Variants in LPP observed in about 807,000 individuals in gnomAD.
LPP encodes the protein LIM domain containing preferred translocation partner in lipoma.
LPP carries 38 observed loss-of-function variants against 60.4 expected under a neutral mutation model. That is an observed-to-expected ratio of 0.63 (90% CI 0.49 to 0.83). LPP has a LOEUF of 0.83. Ranked by LOEUF, LPP falls within the 40% of genes least tolerant of loss-of-function variation. The pLI is 0.00. For missense variants in LPP, 902 were observed against 783.6 expected, an observed-to-expected ratio of 1.15 and a Z score of -1.80; for synonymous variants, 328 against 290.8, an observed-to-expected ratio of 1.13 and a Z score of -1.30.
At chr3:188,222,801 C>T (rs1311410418) in intron 1 of LPP, among the ~76,000 whole-genome samples, 3 of 152,050 alleles carry the variant, frequency 2.0e-5, no homozygotes, top group Non-Finnish European at 2.9e-5. Context: ...TTTTGAGCTC[C>T]TTTAACTGTA....
intron 5 of LPP, among the ~76,000 whole-genome samples, chr3:188,512,270 A>T (rs577003437): frequency 6.6e-6 from 1 of 152,130 alleles, no homozygotes; most frequent in African/African-American, 2.4e-5. Flanking sequence ...TTTGAAGAAA[A>T]TTCTCGGCCA....
intron 9 of LPP, among the ~76,000 whole-genome samples, chr3:188,765,312 ACAC>A (rs1733678122): frequency 1.4e-5 from 2 of 147,240 alleles, no homozygotes; most frequent in Admixed American, 6.7e-5. Context: ...ACACACACAC[ACAC>A]ACACACACAC....
intron 7 of LPP, among the ~76,000 whole-genome samples, chr3:188,626,304 C>T (rs1846821222): frequency 6.6e-6 from 1 of 152,022 alleles, no homozygotes; most frequent in Non-Finnish European, 1.5e-5. Context: ...CTAGCATTTA[C>T]ATTGTATTGG....
chr3:188,551,640 G>A (rs930138117), intron 6 of LPP, among the ~76,000 whole-genome samples: 2 of 152,138 alleles, frequency 1.3e-5, no homozygotes, highest in Admixed American at 1.3e-4. Flanking sequence ...CAGAGTAGGA[G>A]GTCCTTTACA....
chr3:188,340,220 T>G (rs2150640143), intron 2 of LPP, among the ~76,000 whole-genome samples: 1 of 152,320 alleles, frequency 6.6e-6, no homozygotes, highest in African/African-American at 2.4e-5. Flanking sequence ...TTGGTTTTTG[T>G]ATTTGTAAAA....
chr3:188,485,352 A>C (rs1806046332), intron 5 of LPP, among the ~76,000 whole-genome samples: 1 of 152,208 alleles, frequency 6.6e-6, no homozygotes, highest in African/African-American at 2.4e-5. Flanking sequence ...GCCACCATTT[A>C]AGCTGAAGAA....
intron 6 of LPP, among the ~76,000 whole-genome samples, chr3:188,559,747 T>A (rs1830261416): frequency 6.6e-6 from 1 of 152,118 alleles, no homozygotes; most frequent in Non-Finnish European, 1.5e-5. Context: ...GAAATATGTT[T>A]ACTTTTAAAA....
intron 9 of LPP, among the ~76,000 whole-genome samples, chr3:188,777,555 A>G (rs1405915103): frequency 2.0e-5 from 3 of 152,206 alleles, no homozygotes; most frequent in Non-Finnish European, 4.4e-5. Context: ...TTGGATGGAC[A>G]GGGTAGCAAA....
At chr3:188,376,480 G>A (rs1775129297) in intron 3 of LPP, among the ~76,000 whole-genome samples, 1 of 152,068 alleles carries the variant, frequency 6.6e-6, no homozygotes, top group South Asian at 2.1e-4. Flanking sequence ...TGTCTCTTTT[G>A]ATCGTTGTTG....
chr3:188,333,913 T>TA (rs1248035929), intron 2 of LPP, among the ~76,000 whole-genome samples: 1 of 152,184 alleles, frequency 6.6e-6, no homozygotes, highest in Admixed American at 6.5e-5. Context: ...TACTTGAAAA[T>TA]ATACAATAAA....
chr3:188,173,227 G>A (rs202134369), intron 1 of LPP, among the ~76,000 whole-genome samples: 5 of 152,186 alleles, frequency 3.3e-5, no homozygotes, highest in Non-Finnish European at 7.3e-5. Context: ...CAGGTCAGGC[G>A]CGGTGGCTCA....
At position 188,779,895 on chromosome 3, in the gene LPP, C is replaced by T. The variant is rs143319322; in HGVS notation, c.1410+19613C>T. Among the ~76,000 whole-genome samples the T allele has an allele frequency of 4.0e-3, 610 of 152,170 alleles. 3 individuals are homozygous for T. Among genetic ancestry groups the T allele is most frequent in the African/African-American group, 7.1e-3 (293 of 41,528 alleles). ...TTCTGTTTTGGCTAACTTCTAGTTC[C>T]TTCATCCATTTCCAACCTAAATTTG... On this transcript the variant is annotated intron_variant, in intron 9 of 11. Transcript: ENST00000617246.
rs1769080017 is a variant in LPP, at chr3:188,874,997, G to A, written c.*518G>A. The A allele has an allele frequency of 4.5e-6, 1 of 224,548 alleles. No homozygotes were observed. Among genetic ancestry groups the A allele is most frequent in the African/African-American group, 2.2e-5 (1 of 44,866 alleles). 13.9% of individuals were successfully genotyped at this position (224,548 alleles called of 1,614,324 possible). On this transcript the variant is annotated 3_prime_UTR_variant, in exon 12 of 12. Transcript: ENST00000617246. ...TATACTACTCACGTCCTTGGGGAGG[G>A]AAATGCACAATTTTTTTTTGTTAGG... is the stretch of plus-strand genomic sequence containing the variant.
At chr3:188,587,639 C>T (rs887693670) in intron 6 of LPP, among the ~76,000 whole-genome samples, 9 of 152,048 alleles carry the variant, frequency 5.9e-5, no homozygotes, top group Non-Finnish European at 1.0e-4. Flanking sequence ...AACAGCCTTT[C>T]GTAAAGTGGT....
intron 1 of LPP, among the ~76,000 whole-genome samples, chr3:188,170,992 G>A (rs566334942): frequency 2.6e-5 from 4 of 152,256 alleles, no homozygotes; most frequent in Admixed American, 2.0e-4. Flanking sequence ...GAGCCTCTCA[G>A]CAATACCTTC....
intron 1 of LPP, among the ~76,000 whole-genome samples, chr3:188,210,377 A>G (rs73887385): frequency 0.021 from 3,159 of 152,282 alleles, 114 homozygotes; most frequent in African/African-American, 0.072. Flanking sequence ...CAGAACGTGA[A>G]GCAAGGGATG....
At chr3:188,754,306 A>G (rs1407792543) in intron 8 of LPP, among the ~76,000 whole-genome samples, 2 of 152,194 alleles carry the variant, frequency 1.3e-5, no homozygotes, top group East Asian at 1.9e-4. Flanking sequence ...TTTTCAATGG[A>G]TGGAAAGCCA....
intron 3 of LPP, among the ~76,000 whole-genome samples, chr3:188,355,784 A>G (rs1462797232): frequency 1.3e-5 from 2 of 152,216 alleles, no homozygotes; most frequent in East Asian, 3.8e-4. Context: ...TTTGTTAATC[A>G]TATGACTATT....
intron 7 of LPP, among the ~76,000 whole-genome samples, chr3:188,621,331 G>A (rs1053823861): frequency 4.6e-5 from 7 of 152,096 alleles, no homozygotes; most frequent in Admixed American, 1.3e-4. Flanking sequence ...CTTCCTCCCC[G>A]TCTGGTAGTC....
Sources: allele counts gnomAD v4.1 joint callset (sites outside exome capture counted in the v4.1 genomes callset), GRCh38; gene constraint gnomAD v4.1.1; transcripts MANE v1.5; gene names NCBI Gene and HGNC (gene_info 2026-07-23, HGNC 2026-07-21).